Variants in CENPP observed in about 807,000 individuals in gnomAD.
The protein encoded by CENPP is centromere protein P.
CENPP carries 24 observed loss-of-function variants against 35.6 expected under a neutral mutation model. That is an observed-to-expected ratio of 0.67 (90% confidence interval 0.49 to 0.95). CENPP has a LOEUF of 0.95. CENPP is among the 40% of genes least tolerant of loss of function. The pLI is 0.00. For synonymous variants in CENPP, 120 were observed against 125.5 expected (o/e 0.96, Z 0.29); for missense variants, 332 against 345.3 (o/e 0.96, Z 0.31).
chr9:92,486,243 G>GT lies in CENPP; in HGVS notation c.564+106390dup, dbSNP rs1361121675. On this transcript the variant is annotated intron_variant, in intron 5 of 7. Coordinates refer to ENST00000375587, the MANE Select transcript of CENPP (RefSeq NM_001012267.3). ...AGGATGTAAATATGCATAACATAGG[G>GT]TTTTTTGTATAGTAGATGCTTAAAA... 2.6e-5 allele frequency among the ~76,000 whole-genome samples: 4 copies of GT among 152,212 alleles called. No homozygotes were observed. The East Asian group carries it at 5.8e-4, about 22-fold the overall frequency.
chr9:92,619,649 T>A lies in CENPP; in HGVS notation c.*6500T>A. 8.3e-7 allele frequency: 1 copy of A among 1,207,742 alleles called. No homozygotes were observed. Among genetic ancestry groups the A allele is most frequent in the Non-Finnish European group, 1.2e-6 (1 of 839,688 alleles). 74.8% of individuals were successfully genotyped at this position (1,207,742 alleles called of 1,614,324 possible). On this transcript the variant is annotated 3_prime_UTR_variant, in exon 8 of 8. Transcript: ENST00000375587. ...AACCTTCCTTCCCAGTAGCCAAGTG[T>A]GGGAACTGCTTCCTGCCTCAGAACC...
At chr9:92,339,680 A>G (rs1286300618) in intron 3 of CENPP, 3 of 153,314 alleles carry the variant, frequency 2.0e-5, no homozygotes, top group African/African-American at 4.8e-5. Context: ...CATTGTTCCC[A>G]TATGGGCAGC....
chr9:92,535,814 A>C (rs1849134960), intron 5 of CENPP: 1 of 313,754 alleles, frequency 3.2e-6, no homozygotes, highest in Non-Finnish European at 6.1e-6. Flanking sequence ...TTTGAACTTT[A>C]AAAATCTATT....
chr9:92,474,747 CATCA>C, intron 5 of CENPP: 4 of 1,031,904 alleles, frequency 3.9e-6, no homozygotes, highest in Non-Finnish European at 5.4e-6. Flanking sequence ...TTGTCCTCAT[CATCA>C]TCATCATCAT....
intron 4 of CENPP, among the ~76,000 whole-genome samples, chr9:92,362,427 T>TA (rs1197997520): frequency 6.6e-6 from 1 of 152,226 alleles, no homozygotes; most frequent in East Asian, 1.9e-4. Flanking sequence ...TTTCCCCCAA[T>TA]AGAATGTTTC....
intron 5 of CENPP, chr9:92,414,970 T>G (rs1258702245): frequency 2.4e-6 from 1 of 409,898 alleles, no homozygotes; most frequent in African/African-American, 2.1e-5. Flanking sequence ...ATTTACATTA[T>G]TTTGAGTAAG....
At chr9:92,523,426 C>T (rs1187440421) in intron 5 of CENPP, among the ~76,000 whole-genome samples, 1 of 152,152 alleles carries the variant, frequency 6.6e-6, no homozygotes, top group African/African-American at 2.4e-5. Context: ...GCCTCAACAC[C>T]ACCCATAGGG....
intron 4 of CENPP, among the ~76,000 whole-genome samples, chr9:92,357,717 C>G (rs1841629781): frequency 6.6e-6 from 1 of 151,976 alleles, no homozygotes; most frequent in South Asian, 2.1e-4. Flanking sequence ...AGGCTTATCT[C>G]CGATTCCCGA....
intron 5 of CENPP, chr9:92,474,628 A>T: frequency 6.2e-7 from 1 of 1,609,614 alleles, no homozygotes; most frequent in Non-Finnish European, 8.5e-7. Flanking sequence ...TCTTACCTAA[A>T]TCTGAGCAAT....
chr9:92,509,680 A>G (rs571337378), intron 5 of CENPP, among the ~76,000 whole-genome samples: 15 of 152,226 alleles, frequency 9.9e-5, no homozygotes, highest in South Asian at 2.1e-4. Context: ...TTGAGAAACA[A>G]TGTTATTCAT....
intron 4 of CENPP, among the ~76,000 whole-genome samples, chr9:92,369,789 C>G (rs1381808701): frequency 6.6e-6 from 1 of 152,102 alleles, no homozygotes; most frequent in African/African-American, 2.4e-5. Context: ...TACAATTTCA[C>G]CTTGCTCTTT....
intron 5 of CENPP, among the ~76,000 whole-genome samples, chr9:92,407,424 A>G (rs1415815721): frequency 6.6e-6 from 1 of 152,218 alleles, no homozygotes; most frequent in Non-Finnish European, 1.5e-5. Flanking sequence ...CTCTTTAGGC[A>G]AAGCCAAAAT....
chr9:92,472,984 C>T (rs935465040), intron 5 of CENPP, among the ~76,000 whole-genome samples: 3 of 152,136 alleles, frequency 2.0e-5, no homozygotes, highest in African/African-American at 7.2e-5. Context: ...GTGATAAGTG[C>T]CCAGACCCTT....
At chr9:92,560,756 C>G (rs1024661953) in intron 5 of CENPP, among the ~76,000 whole-genome samples, 3 of 152,078 alleles carry the variant, frequency 2.0e-5, no homozygotes, top group Non-Finnish European at 4.4e-5. Context: ...CCATTTATTC[C>G]TTATTCTTAT....
intron 5 of CENPP, among the ~76,000 whole-genome samples, chr9:92,472,309 A>G (rs1158793573): frequency 6.6e-6 from 1 of 151,982 alleles, no homozygotes; most frequent in East Asian, 1.9e-4. Context: ...GTGAGCCAAG[A>G]TAGTGCCACT....
Position 92,476,400 on chromosome 9 carries a change from C to CT in CENPP, c.564+96547dup. 6.6e-6 allele frequency among the ~76,000 whole-genome samples: 1 copy of CT among 152,072 alleles called. No homozygotes were observed. Among genetic ancestry groups the CT allele is most frequent in the Non-Finnish European group, 1.5e-5 (1 of 68,014 alleles). On this transcript the variant is annotated intron_variant, in intron 5 of 7. Transcript: ENST00000375587. This position sits in a 1 kb window ranked among gnomAD's most constrained non-coding sequence, Gnocchi z 4.1. ...ATATCTTCATTTATATATGGTATGT[C>CT]TTTTTTAATCACCAGACGAGGGCTA...
intron 5 of CENPP, among the ~76,000 whole-genome samples, chr9:92,507,816 A>G (rs774530624): frequency 6.6e-6 from 1 of 152,098 alleles, no homozygotes; most frequent in Non-Finnish European, 1.5e-5. Flanking sequence ...CCCTTTCTCC[A>G]TAACACGTGT....
At chr9:92,605,319 T>C (rs1193693938) in intron 5 of CENPP, among the ~76,000 whole-genome samples, 1 of 152,102 alleles carries the variant, frequency 6.6e-6, no homozygotes, top group East Asian at 1.9e-4. Flanking sequence ...TTCATTAGAG[T>C]AAATTTTCGT....
intron 5 of CENPP, among the ~76,000 whole-genome samples, chr9:92,434,388 C>CA (rs57677848): frequency 0.3 from 29,385 of 97,034 alleles, 4,190 homozygotes; most frequent in African/African-American, 0.49. Context: ...GACTCTGTCT[C>CA]AAAAAAAAAA....
Sources: allele counts gnomAD v4.1 joint callset (sites outside exome capture counted in the v4.1 genomes callset), GRCh38; gene constraint gnomAD v4.1.1; non-coding constraint Gnocchi (gnomAD v3.1); transcripts MANE v1.5; gene names NCBI Gene and HGNC (gene_info 2026-07-23, HGNC 2026-07-21).